The following FGF18 variants were observed in gnomAD, a reference collection of about 807,000 sequenced individuals.
FGF18 encodes the protein fibroblast growth factor 18.
Under a neutral mutation model 23.0 loss-of-function variants are expected in FGF18, and 5 were observed. The observed-to-expected ratio is 0.22, with a 90% confidence interval of 0.11 to 0.46. The LOEUF (loss-of-function observed/expected upper bound fraction) is 0.46, where lower values mean the gene tolerates loss of function less well. Ranked by LOEUF, FGF18 falls within the 20% of genes least tolerant of loss-of-function variation. FGF18 has a pLI of 0.99. For missense variants in FGF18, 180 were observed against 291.6 expected, an observed-to-expected ratio of 0.62 and a Z score of 2.79; for synonymous variants, 117 against 118.9, an observed-to-expected ratio of 0.98 and a Z score of 0.10.
chr5:171,453,850 C>T lies in FGF18; in HGVS notation c.358-2689C>T, dbSNP rs138045772. Among the ~76,000 whole-genome samples the T allele has an allele frequency of 5.3e-4, 81 of 152,084 alleles. No individual in the cohort carries two copies. The Middle Eastern group carries it at 0.01, about 19-fold the overall frequency. On this transcript the variant is annotated intron_variant, in intron 4 of 4. Coordinates refer to ENST00000274625, the MANE Select transcript of FGF18 (RefSeq NM_003862.3). ...TCATAGCTTCTGCTTGTCTCTGGGA[C>T]ATTTATAACAGATCCAGGAGGGAGA...
rs774406179 is a variant in FGF18, at chr5:171,449,187, C to T, written c.291C>T (p.Val97=). The T allele has an allele frequency of 5.0e-6, 8 of 1,614,078 alleles. No individual in the cohort carries two copies. The highest frequency in any genetic ancestry group is 1.3e-5 in the African/African-American group (1 of 75,026). The change falls in exon 4 of 5, where the codon GTC becomes GTT. Residue 97 remains valine (V), a synonymous_variant. Transcript: ENST00000274625. ...LVETDTFGSQ[V]RIKGKETEFY... is the part of the protein sequence containing the mutation. ...AGACAGACACCTTCGGTAGTCAAGT[C>T]CGGATCAAGGGCAAGGAGACGGAAT...
In FGF18 at chr5:171,434,765, C is replaced by T. The variant is rs183384276; in HGVS notation, c.70-1328C>T. Among the ~76,000 whole-genome samples, 371 of 150,898 alleles carry T rather than the reference C, an allele frequency of 2.5e-3. 2 individuals are homozygous for T. The highest frequency in any genetic ancestry group is 6.9e-3 in the South Asian group (33 of 4,764). On this transcript the variant is annotated intron_variant, in intron 2 of 4. Transcript: ENST00000274625. This position sits in a 1 kb window ranked among gnomAD's most constrained non-coding sequence, Gnocchi z 4.6. ...TGAGTTTCTACCGTGTTAGGTGCTGCGGATATAGTGGCAAATGAGAGACAC... is the reference window on the plus strand; with the variant it reads ...TGAGTTTCTACCGTGTTAGGTGCTGTGGATATAGTGGCAAATGAGAGACAC...
At chr5:171,433,578 G>A (rs1772209450) in intron 2 of FGF18, among the ~76,000 whole-genome samples, 4 of 152,158 alleles carry the variant, frequency 2.6e-5, no homozygotes, top group Admixed American at 2.6e-4. Flanking sequence ...GATGTGGAAG[G>A]AGGCGGGACC....
intron 3 of FGF18, among the ~76,000 whole-genome samples, chr5:171,445,299 T>C (rs1317128498): frequency 6.6e-6 from 1 of 152,136 alleles, no homozygotes; most frequent in Non-Finnish European, 1.5e-5. Flanking sequence ...TGTTCTTCTA[T>C]GTGGGTTGGG....
intron 4 of FGF18, among the ~76,000 whole-genome samples, chr5:171,453,663 TGAA>T (rs1401423077): frequency 1.3e-5 from 2 of 152,152 alleles, no homozygotes; most frequent in African/African-American, 4.8e-5. Context: ...CAAGCAGAGC[TGAA>T]GAAGAGGATG....
intron 2 of FGF18, among the ~76,000 whole-genome samples, chr5:171,433,458 C>T (rs1220646994): frequency 6.6e-6 from 1 of 152,156 alleles, no homozygotes; most frequent in Non-Finnish European, 1.5e-5. Context: ...CAGCCACCTC[C>T]GGAAGTCATT....
At chr5:171,445,291 T>C (rs1362600737) in intron 3 of FGF18, among the ~76,000 whole-genome samples, 2 of 152,090 alleles carry the variant, frequency 1.3e-5, no homozygotes, top group African/African-American at 4.8e-5. Context: ...AGTTTACATG[T>C]TCTTCTATGT....
chr5:171,420,258 A>C, intron 1 of FGF18, 27 bp downstream of exon 1: 1 of 1,594,734 alleles, frequency 6.3e-7, no homozygotes, highest in Non-Finnish European at 8.5e-7. Context: ...GGGGCTGCCC[A>C]CCTTGCCTGG....
chr5:171,427,311 G>A (rs185809391), intron 2 of FGF18, among the ~76,000 whole-genome samples: 1 of 152,304 alleles, frequency 6.6e-6, no homozygotes, highest in East Asian at 1.9e-4. Flanking sequence ...CACTCGATGA[G>A]TAATTTAGTA....
At chr5:171,455,231 G>A (rs979887197) in intron 4 of FGF18, among the ~76,000 whole-genome samples, 3 of 152,208 alleles carry the variant, frequency 2.0e-5, no homozygotes, top group Non-Finnish European at 4.4e-5. Context: ...CATCGGCCCA[G>A]GAGCCTGAGA....
intron 3 of FGF18, among the ~76,000 whole-genome samples, chr5:171,439,696 T>C (rs946675672): frequency 2.0e-5 from 3 of 152,086 alleles, no homozygotes; most frequent in Non-Finnish European, 4.4e-5. Context: ...TTGAGGTGGA[T>C]GTCCCTAAGC....
In FGF18 at chr5:171,440,495, A is replaced by G. The variant is rs937781525; in HGVS notation, c.250+4222A>G. 6.6e-6 allele frequency among the ~76,000 whole-genome samples: 1 copy of G among 152,202 alleles called. No homozygotes were observed. Among genetic ancestry groups the G allele is most frequent in the Non-Finnish European group, 1.5e-5 (1 of 68,006 alleles). ...CATTCAACGTAAATTACCAAGCCCA[A>G]GCACCAGGGGAGGGGGCTACTGTGG... On this transcript the variant is annotated intron_variant, in intron 3 of 4. Transcript: ENST00000274625. This position sits in a 1 kb window ranked among gnomAD's most constrained non-coding sequence, Gnocchi z 4.0.
chr5:171,437,675 C>G lies in FGF18; in HGVS notation c.250+1402C>G, dbSNP rs535281579. ...CTATGGGGCCTCCCATCCCTCGTGG[C>G]CCCCTCCACAGACGCCTGGCTGTGC... On this transcript the variant is annotated intron_variant, in intron 3 of 4. Coordinates refer to ENST00000274625, the MANE Select transcript of FGF18 (RefSeq NM_003862.3). Among the ~76,000 whole-genome samples the G allele has an allele frequency of 3.9e-5, 6 of 152,352 alleles. No individual in the cohort carries two copies. In the South Asian group the frequency reaches 1.2e-3, roughly 32 times the overall value.
At position 171,456,541 on chromosome 5, in the gene FGF18, C is replaced by T. The variant is rs772276667; in HGVS notation, c.360C>T (p.Pro120=). ...MNRKGKLVGK[P]DGTSKECVFI... ...CACTCCCCCTCTCTCCCCTGCAGCC[C>T]GATGGCACCAGCAAGGAGTGTGTGT... is the stretch of plus-strand genomic sequence containing the variant. The change falls in exon 5 of 5, where the codon CCC becomes CCT. Residue 120 remains proline (P), a splice_region_variant and synonymous_variant. Coordinates refer to ENST00000274625, the MANE Select transcript of FGF18 (RefSeq NM_003862.3). This position sits in a 1 kb window ranked among gnomAD's most constrained non-coding sequence, Gnocchi z 6.1. 2.0e-5 allele frequency: 32 copies of T among 1,611,818 alleles called. No individual in the cohort carries two copies. Among genetic ancestry groups the T allele is most frequent in the South Asian group, 6.6e-5 (6 of 90,986 alleles).
intron 2 of FGF18, among the ~76,000 whole-genome samples, chr5:171,428,402 G>A (rs1772129635): frequency 6.6e-6 from 1 of 152,216 alleles, no homozygotes; most frequent in Non-Finnish European, 1.5e-5. Context: ...GAGCTCAAGG[G>A]TGCAGCAGGT....
At chr5:171,435,697 G>A (rs545778640) in intron 2 of FGF18, among the ~76,000 whole-genome samples, 10 of 152,090 alleles carry the variant, frequency 6.6e-5, no homozygotes, top group Admixed American at 5.2e-4. Context: ...GTGGATTGGA[G>A]TACTTTTCTT....
intron 3 of FGF18, among the ~76,000 whole-genome samples, chr5:171,447,049 A>T (rs1013511801): frequency 3.9e-5 from 6 of 152,208 alleles, no homozygotes; most frequent in African/African-American, 1.4e-4. Flanking sequence ...AGGAAACTTA[A>T]ACAACATTTA....
At chr5:171,454,593 G>A (rs1257979201) in intron 4 of FGF18, among the ~76,000 whole-genome samples, 2 of 152,188 alleles carry the variant, frequency 1.3e-5, no homozygotes, top group African/African-American at 2.4e-5. Flanking sequence ...TACCCTGCCT[G>A]TCCCTTTCTG....
At position 171,451,292 on chromosome 5, in the gene FGF18, T is replaced by C. The variant is rs943759436; in HGVS notation, c.357+2039T>C. Reference sequence around the variant, plus strand: ...GACCCCAACCCTTGCCAGCCTCCTGTCTTCTGGGCCCACCCGGGGGACTCG... The same window carrying C: ...GACCCCAACCCTTGCCAGCCTCCTGCCTTCTGGGCCCACCCGGGGGACTCG... On this transcript the variant is annotated intron_variant, in intron 4 of 4. Coordinates refer to ENST00000274625, the MANE Select transcript of FGF18 (RefSeq NM_003862.3). This position sits in a 1 kb window ranked among gnomAD's most constrained non-coding sequence, Gnocchi z 4.5. 1.1e-4 allele frequency among the ~76,000 whole-genome samples: 17 copies of C among 151,322 alleles called. No homozygotes were observed. The highest frequency in any genetic ancestry group is 3.9e-4 in the African/African-American group (16 of 41,248).
Sources: gnomAD v4.1 joint callset for allele counts (sites outside exome capture counted in the v4.1 genomes callset) on GRCh38, gnomAD v4.1.1 for gene constraint, Gnocchi (gnomAD v3.1) non-coding constraint, MANE v1.5 for transcripts, NCBI Gene and HGNC (gene_info 2026-07-23, HGNC 2026-07-21) for gene names.